Variants in ZC3H4 observed in about 807,000 individuals in gnomAD.
The protein encoded by ZC3H4 is zinc finger CCCH-type containing 4, also known as zinc finger CCCH domain-containing protein 4.
Under a neutral mutation model 108.3 loss-of-function variants are expected in ZC3H4, and 13 were observed. The ratio of observed to expected loss-of-function variants is 0.12; its 90% CI spans 0.08 to 0.19. The LOEUF (loss-of-function observed/expected upper bound fraction) is 0.19. Among genes scored for constraint, ZC3H4 ranks in the 10% least tolerant of loss-of-function variants. The probability of loss-of-function intolerance (pLI) is 1.00; values close to 1 mark genes in which losing one functional copy is unlikely to be tolerated. For missense variants in ZC3H4, 1,734 were observed against 1,838.8 expected, an observed-to-expected ratio of 0.94 and a Z score of 1.04; for synonymous variants, 917 against 749.6, an observed-to-expected ratio of 1.22 and a Z score of -3.65.
rs375960398 is a variant in ZC3H4 at position 47,067,690 on chromosome 19, C to T, written c.2578G>A (p.Ala860Thr). Residue 860 changes from alanine to threonine, a missense_variant, in exon 15 of 15, where the codon GCT becomes ACT. Ala to Thr is a moderately conservative substitution (Grantham distance 58, BLOSUM62 0). Transcript: ENST00000253048. The surrounding 1 kb of genome is among the most constrained non-coding windows in gnomAD (Gnocchi z 6.4). ...GGGTCCCGGCTGAGGCGAGGGTCAG[C>T]CAGCCGGCTTCCTGTGGGGTGTCCC... ...QKGHPTGSRL[A>T]DPRLSRDPRL... 48 of 1,600,060 alleles carry T rather than the reference C, an allele frequency of 3.0e-5. No homozygotes were observed. The highest frequency in any genetic ancestry group is 1.0e-4 in the Admixed American group (6 of 58,684).
At position 47,069,249 on chromosome 19, in the gene ZC3H4, C is replaced by A. The variant is rs768526685; in HGVS notation, c.2241G>T (p.Gly747=). 1 of 1,613,732 alleles carries A rather than the reference C, an allele frequency of 6.2e-7. No individual in the cohort carries two copies. The highest frequency in any genetic ancestry group is 1.1e-5 in the South Asian group (1 of 91,076). Residue 747 remains glycine, a synonymous_variant, in exon 14 of 15, where the codon GGG becomes GGT. Coordinates refer to ENST00000253048, the MANE Select transcript of ZC3H4 (RefSeq NM_015168.2). ...PLEPDSFSEG[G]PPGRPKPGAG... Reference sequence around the variant, plus strand: ...CGCCTGGCTTCGGCCGGCCTGGGGGCCCTCCCTCAGAGAAGCTGTCGGGCT... The same window carrying A: ...CGCCTGGCTTCGGCCGGCCTGGGGGACCTCCCTCAGAGAAGCTGTCGGGCT...
At chr19:47,106,980 G>A (rs974719094) in intron 2 of ZC3H4, among the ~76,000 whole-genome samples, 60 of 152,200 alleles carry the variant, frequency 3.9e-4, no homozygotes, top group Non-Finnish European at 1.3e-4. Flanking sequence ...TGGCTTCCCA[G>A]TTCTCAGAAG....
intron 2 of ZC3H4, among the ~76,000 whole-genome samples, chr19:47,100,759 C>T (rs1038461231): frequency 1.3e-5 from 2 of 152,000 alleles, no homozygotes; most frequent in African/African-American, 2.4e-5. Flanking sequence ...AGTGCAGTGG[C>T]GTGATTTCGG....
rs917207354 is a variant in ZC3H4 at position 47,067,222 on chromosome 19, C to A, written c.3046G>T (p.Ala1016Ser). 6.2e-7 allele frequency: 1 copy of A among 1,607,116 alleles called. No homozygotes were observed. Among genetic ancestry groups the A allele is most frequent in the Non-Finnish European group, 8.5e-7 (1 of 1,176,914 alleles). The change falls in exon 15 of 15, where the codon GCC becomes TCC. Residue 1016 changes from alanine to serine, a missense_variant. Transcript: ENST00000253048. The surrounding 1 kb of genome is among the most constrained non-coding windows in gnomAD (Gnocchi z 6.4). Reference sequence around the variant, plus strand: ...CGGGCGTTGGGGGGCCCTGCCGTGGCAGCGCGGTGCAGCCGGGGGTCCAGG... The same window carrying A: ...CGGGCGTTGGGGGGCCCTGCCGTGGAAGCGCGGTGCAGCCGGGGGTCCAGG... ...PTLDPRLHRA[A>S]TAGPPNARQR...
In ZC3H4 at chr19:47,094,222, C is replaced by T. The variant is rs1252317388; in HGVS notation, c.382-142G>A. 11 of 1,086,196 alleles carry T rather than the reference C, an allele frequency of 1.0e-5. No individual in the cohort carries two copies. In the East Asian group the frequency reaches 2.6e-4, roughly 26 times the overall value. The allele number at this position is 1,086,196 out of a possible 1,614,324, so 67.3% of individuals were successfully genotyped here. ...ACACCTCACCTGGGGCACTTAGTGG[C>T]AATGAAGCATAAGCTACCAACTCTT... is the stretch of plus-strand genomic sequence containing the variant. On this transcript the variant is annotated intron_variant, in intron 3 of 14. Coordinates refer to ENST00000253048, the MANE Select transcript of ZC3H4 (RefSeq NM_015168.2).
In ZC3H4 at chr19:47,096,743, T is replaced by C. The variant is rs1351977346; in HGVS notation, c.162-2135A>G. 1.1e-5 allele frequency: 10 copies of C among 939,138 alleles called. No individual in the cohort carries two copies. The South Asian group carries it at 2.5e-4, about 23-fold the overall frequency. The allele number at this position is 939,138 out of a possible 1,614,324, so 58.2% of individuals were successfully genotyped here. On this transcript the variant is annotated intron_variant, in intron 2 of 14. Transcript: ENST00000253048. Reference sequence around the variant, plus strand: ...AGAAGGGATAAAGCTGAGAGGGACATGATCACCACCCAGGCCACTAATATT... The same window carrying C: ...AGAAGGGATAAAGCTGAGAGGGACACGATCACCACCCAGGCCACTAATATT...
In ZC3H4 at chr19:47,072,797, G is replaced by C; in HGVS notation, c.1441-84C>G. On this transcript the variant is annotated intron_variant, in intron 11 of 14. Transcript: ENST00000253048. The surrounding 1 kb of genome is among the most constrained non-coding windows in gnomAD (Gnocchi z 5.6). ...TCCAGGTCTGAGAGCTGAAGTTTAT[G>C]AGGAAAAGTCCATAATACAAGGACC... is the stretch of plus-strand genomic sequence containing the variant. 1 of 1,514,070 alleles carries C rather than the reference G, an allele frequency of 6.6e-7. No homozygotes were observed. The highest frequency in any genetic ancestry group is 2.3e-5 in the East Asian group (1 of 43,888). 93.8% of individuals were successfully genotyped at this position (1,514,070 alleles called of 1,614,324 possible).
In ZC3H4 at chr19:47,066,707, C is replaced by T. The variant is rs774275330; in HGVS notation, c.3561G>A (p.Glu1187=). 5.6e-6 allele frequency: 9 copies of T among 1,608,874 alleles called. No homozygotes were observed. In the Admixed American group the frequency reaches 1.2e-4, roughly 21 times the overall value. ...GGGCAGACTTGCGGACGAACGGGGG[C>T]TCCTTAGCCTTGGAGGCCGAGCTCT... ...NGKSSASKAK[E]PPFVRKSALE... Residue 1187 remains glutamate (E), a synonymous_variant, in exon 15 of 15, where the codon GAG becomes GAA. Coordinates refer to ENST00000253048, the MANE Select transcript of ZC3H4 (RefSeq NM_015168.2).
At chr19:47,093,005 A>G (rs2082072172) in intron 4 of ZC3H4, among the ~76,000 whole-genome samples, 1 of 152,026 alleles carries the variant, frequency 6.6e-6, no homozygotes, top group South Asian at 2.1e-4. Flanking sequence ...TCACGAGGTC[A>G]GGAGATGGAG....
rs773802071 is a variant in ZC3H4, at chr19:47,090,109, G to C, written c.573C>G (p.Gly191=). 1.9e-6 allele frequency: 3 copies of C among 1,614,050 alleles called. No homozygotes were observed. The South Asian group carries it at 3.3e-5, about 18-fold the overall frequency. ...GCTCATTCTCGTAGTCCTCGTACATGCCATAACTCTTGCTGTCCATCTTGG... is the reference window on the plus strand; with the variant it reads ...GCTCATTCTCGTAGTCCTCGTACATCCCATAACTCTTGCTGTCCATCTTGG... ...AYSKMDSKSY[G]MYEDYENEQY... The change falls in exon 5 of 15, where the codon GGC becomes GGG. Residue 191 remains glycine, a synonymous_variant. Coordinates refer to ENST00000253048, the MANE Select transcript of ZC3H4 (RefSeq NM_015168.2).
At chr19:47,112,350 G>A in intron 2 of ZC3H4, 74 bp downstream of exon 2, 1 of 1,217,572 alleles carries the variant, frequency 8.2e-7, no homozygotes, top group Non-Finnish European at 1.0e-6. Flanking sequence ...GGCCCAACAT[G>A]GCGGCCGCCC....
rs548853807 is a variant in ZC3H4, at chr19:47,113,223, T to C, written c.-6+497A>G. ...GGCCGTGTCACGTGCAGGAGAGGGGTAGAGACCGCTTGCCCGAAGGCCGGC... is the reference window on the plus strand; with the variant it reads ...GGCCGTGTCACGTGCAGGAGAGGGGCAGAGACCGCTTGCCCGAAGGCCGGC... On this transcript the variant is annotated intron_variant, in intron 1 of 14. Coordinates refer to ENST00000253048, the MANE Select transcript of ZC3H4 (RefSeq NM_015168.2). 1.2e-4 allele frequency: 18 copies of C among 150,356 alleles called. No homozygotes were observed. The South Asian group carries it at 2.9e-3, about 25-fold the overall frequency. The allele number at this position is 150,356 out of a possible 1,614,324, so 9.3% of individuals were successfully genotyped here.
intron 11 of ZC3H4, among the ~76,000 whole-genome samples, chr19:47,078,928 G>A (rs1483128021): frequency 6.6e-6 from 1 of 151,390 alleles, no homozygotes; most frequent in East Asian, 2.0e-4. Context: ...TGTGGAGGCT[G>A]AGGCAGGAGA....
intron 11 of ZC3H4, among the ~76,000 whole-genome samples, chr19:47,079,811 C>T (rs1190664730): frequency 1.3e-5 from 2 of 152,182 alleles, no homozygotes; most frequent in South Asian, 4.1e-4. Flanking sequence ...CGCTTGAACC[C>T]AGGAGGTAGA....
chr19:47,096,778 A>G (rs953246555), intron 2 of ZC3H4: 5 of 984,886 alleles, frequency 5.1e-6, no homozygotes, highest in South Asian at 9.4e-5. Context: ...TTTAAATGCC[A>G]TATCTGTGCC....
intron 9 of ZC3H4, among the ~76,000 whole-genome samples, chr19:47,083,149 A>G (rs879840994): frequency 3.3e-4 from 50 of 151,614 alleles, no homozygotes; most frequent in Admixed American, 5.9e-4. Flanking sequence ...GGTTCAAGCG[A>G]TTCTCCTGCC....
chr19:47,084,086 G>A (rs186838800), intron 9 of ZC3H4, among the ~76,000 whole-genome samples: 4 of 152,250 alleles, frequency 2.6e-5, no homozygotes, highest in African/African-American at 9.6e-5. Flanking sequence ...CAGGCTATAT[G>A]GATTGGTTGA....
In ZC3H4 at chr19:47,065,933, A is replaced by G. The variant is rs1487383806; in HGVS notation, c.*423T>C. ...GTCTTGGTTCCGGGTCTCTTCGGGC[A>G]CAGGGTGAGGAGCGTTCAATACCTT... On this transcript the variant is annotated 3_prime_UTR_variant, in exon 15 of 15. Transcript: ENST00000253048. 6.3e-6 allele frequency: 1 copy of G among 158,140 alleles called. No homozygotes were observed. The highest frequency in any genetic ancestry group is 1.4e-5 in the Non-Finnish European group (1 of 72,408). The allele number at this position is 158,140 out of a possible 1,614,324, so 9.8% of individuals were successfully genotyped here.
At position 47,084,587 on chromosome 19, in the gene ZC3H4, C is replaced by G; in HGVS notation, c.1108-132G>C. ...TCTCACAAGAGCACCGATGGGCAGG[C>G]TGCATCTAACACGGAGGCTGCGTGC... On this transcript the variant is annotated intron_variant, in intron 8 of 14. Transcript: ENST00000253048. The G allele has an allele frequency of 9.6e-6, 8 of 830,186 alleles. No individual in the cohort carries two copies. In the South Asian group the frequency reaches 1.2e-4, roughly 13 times the overall value. 51.4% of individuals were successfully genotyped at this position (830,186 alleles called of 1,614,324 possible).
Sources: allele counts gnomAD v4.1 joint callset (sites outside exome capture counted in the v4.1 genomes callset), GRCh38; gene constraint gnomAD v4.1.1; non-coding constraint Gnocchi (gnomAD v3.1); transcripts MANE v1.5; gene names NCBI Gene and HGNC (gene_info 2026-07-23, HGNC 2026-07-21).